The following SOX5 variants were observed in gnomAD, a reference collection of about 807,000 sequenced individuals.
SOX5 encodes SRY-box transcription factor 5.
SOX5 carries 9 observed loss-of-function variants against 92.0 expected under a neutral mutation model. That is an observed-to-expected ratio of 0.10 (90% CI 0.06 to 0.17). The LOEUF (loss-of-function observed/expected upper bound fraction) is 0.17. SOX5 is among the 10% of genes least tolerant of loss of function. The pLI is 1.00. For synonymous variants in SOX5, 344 were observed against 336.3 expected (o/e 1.02, Z -0.25); for missense variants, 642 against 944.5 (o/e 0.68, Z 4.20).
intron 6 of SOX5, among the ~76,000 whole-genome samples, chr12:23,672,249 TGAAACCTGTCAGTG>T (rs2084911479): frequency 6.6e-6 from 1 of 152,058 alleles, no homozygotes; most frequent in African/African-American, 2.4e-5. Flanking sequence ...CCCTCCTAAA[TGAAACCTGTCAGTG>T]CCAAGCCCCA....
At chr12:23,631,768 A>G (rs904114542) in intron 8 of SOX5, among the ~76,000 whole-genome samples, 1 of 152,122 alleles carries the variant, frequency 6.6e-6, no homozygotes, top group Non-Finnish European at 1.5e-5. Context: ...CTTTGGAAAA[A>G]CACACGTGTA....
At chr12:23,963,451 A>T (rs901356660) in intron 4 of SOX5, among the ~76,000 whole-genome samples, 4 of 152,186 alleles carry the variant, frequency 2.6e-5, no homozygotes, top group South Asian at 2.1e-4. Flanking sequence ...CAGTTTTTTT[A>T]AATTATAAAA....
chr12:24,035,135 C>T (rs773666871), intron 4 of SOX5, among the ~76,000 whole-genome samples: 1 of 152,086 alleles, frequency 6.6e-6, no homozygotes, highest in Non-Finnish European at 1.5e-5. Context: ...GGCAGTGACG[C>T]CCTTTGTGAG....
intron 1 of SOX5, among the ~76,000 whole-genome samples, chr12:24,494,970 T>A (rs962608359): frequency 6.6e-6 from 1 of 152,162 alleles, no homozygotes; most frequent in Admixed American, 6.5e-5. Context: ...CTTAAAAAGG[T>A]AATTTTTTTC....
At chr12:24,531,715 T>C (rs1341416376) in intron 1 of SOX5, among the ~76,000 whole-genome samples, 1 of 152,202 alleles carries the variant, frequency 6.6e-6, no homozygotes, top group African/African-American at 2.4e-5. Context: ...ACAATTTGTG[T>C]TGCCCTCCTC....
At chr12:23,645,912 G>T (rs574994248) in intron 7 of SOX5, among the ~76,000 whole-genome samples, 1 of 152,216 alleles carries the variant, frequency 6.6e-6, no homozygotes, top group African/African-American at 2.4e-5. Context: ...AGCAAGTTAT[G>T]CACACTTTTT....
At chr12:23,663,296 T>G (rs1475491190) in intron 7 of SOX5, among the ~76,000 whole-genome samples, 2 of 152,178 alleles carry the variant, frequency 1.3e-5, no homozygotes, top group East Asian at 3.8e-4. Flanking sequence ...ATTTATAACT[T>G]TAAGCACTAA....
chr12:23,551,604 A>G (rs1318389900), intron 11 of SOX5, among the ~76,000 whole-genome samples: 1 of 151,910 alleles, frequency 6.6e-6, no homozygotes, highest in Admixed American at 6.6e-5. Context: ...TCAAGTATGA[A>G]TTTATCCGTG....
At chr12:23,537,382 G>A (rs1017260428) in intron 13 of SOX5, among the ~76,000 whole-genome samples, 2 of 152,026 alleles carry the variant, frequency 1.3e-5, no homozygotes, top group Non-Finnish European at 2.9e-5. Context: ...AACTTAGCCA[G>A]GGTCATAATT....
At chr12:24,407,913 A>G (rs1963316466) in intron 1 of SOX5, among the ~76,000 whole-genome samples, 1 of 152,334 alleles carries the variant, frequency 6.6e-6, no homozygotes, top group South Asian at 2.1e-4. Context: ...AAAGCGTCCA[A>G]TCTGTTTCTG....
Position 23,595,588 on chromosome 12 carries a change from C to T in SOX5, c.1164+8799G>A, listed in dbSNP as rs1346138572. ...GAGCCCAGATTGTGCCACTGCACTC[C>T]AGCCTGGGCCACAGAGTGAGACTCT... On this transcript the variant is annotated intron_variant, in intron 9 of 14. Coordinates refer to ENST00000451604, the MANE Select transcript of SOX5 (RefSeq NM_006940.6). Among the ~76,000 whole-genome samples the T allele has an allele frequency of 2.2e-5, 3 of 137,954 alleles. No homozygotes were observed. In the Admixed American group the frequency reaches 2.4e-4, roughly 11 times the overall value. 90.5% of individuals were successfully genotyped at this position (137,954 alleles called of 152,430 possible). A position where few individuals can be genotyped will look rare whatever the true frequency, so the allele number is the denominator to read the frequency against.
intron 4 of SOX5, among the ~76,000 whole-genome samples, chr12:23,750,489 C>T (rs2094147597): frequency 6.6e-6 from 1 of 151,742 alleles, no homozygotes; most frequent in Admixed American, 6.6e-5. Flanking sequence ...AATTTTAGTA[C>T]AAAACAGGAA....
intron 4 of SOX5, among the ~76,000 whole-genome samples, chr12:24,086,208 T>C (rs995745603): frequency 6.6e-6 from 1 of 151,796 alleles, no homozygotes; most frequent in Non-Finnish European, 1.5e-5. Flanking sequence ...TTTTTTTTCA[T>C]TGTCAAAATA....
At chr12:23,694,395 T>A (rs1344298714) in intron 6 of SOX5, among the ~76,000 whole-genome samples, 1 of 152,152 alleles carries the variant, frequency 6.6e-6, no homozygotes, top group Non-Finnish European at 1.5e-5. Flanking sequence ...AACTTGTCTA[T>A]CTTCTGCCTC....
At chr12:24,350,188 A>C (rs1953894380) in intron 2 of SOX5, among the ~76,000 whole-genome samples, 1 of 152,268 alleles carries the variant, frequency 6.6e-6, no homozygotes, top group South Asian at 2.1e-4. Context: ...GCCAACACTG[A>C]AAAGGCTCTT....
chr12:23,788,155 A>C (rs1370020642), intron 3 of SOX5, among the ~76,000 whole-genome samples: 1 of 152,004 alleles, frequency 6.6e-6, no homozygotes, highest in Non-Finnish European at 1.5e-5. Flanking sequence ...AGTTACAGAA[A>C]GACAAAGTTC....
intron 4 of SOX5, among the ~76,000 whole-genome samples, chr12:23,987,547 C>T (rs1036740892): frequency 1.3e-5 from 2 of 152,190 alleles, no homozygotes; most frequent in Non-Finnish European, 2.9e-5. Flanking sequence ...AATCCTAGCA[C>T]TTTGGGAAGC....
chr12:23,559,943 C>T (rs1266156078), intron 11 of SOX5, among the ~76,000 whole-genome samples: 2 of 152,030 alleles, frequency 1.3e-5, no homozygotes, highest in South Asian at 2.1e-4. Context: ...TGGAGTCTTG[C>T]CCTGTCGCCC....
chr12:24,276,950 T>C (rs1409399272), intron 3 of SOX5, among the ~76,000 whole-genome samples: 2 of 152,060 alleles, frequency 1.3e-5, no homozygotes, highest in African/African-American at 2.4e-5. Flanking sequence ...AAAAAGTGTA[T>C]CTCATTAAGA....
Sources: allele counts gnomAD v4.1 joint callset (sites outside exome capture counted in the v4.1 genomes callset), GRCh38; gene constraint gnomAD v4.1.1; transcripts MANE v1.5; gene names NCBI Gene and HGNC (gene_info 2026-07-23, HGNC 2026-07-21).